The following PHF21A variants were observed in gnomAD, a reference collection of about 807,000 sequenced individuals.
The protein encoded by PHF21A is BHC80a.
A neutral mutation model predicts 82.5 loss-of-function variants in PHF21A; 11 were observed. The ratio of observed to expected loss-of-function variants is 0.13; its 90% confidence interval spans 0.08 to 0.22. The LOEUF (loss-of-function observed/expected upper bound fraction) is 0.22, where lower values mean the gene tolerates loss of function less well. Among genes scored for constraint, PHF21A ranks in the 10% least tolerant of loss-of-function variants. The pLI, the probability that PHF21A is intolerant of heterozygous loss-of-function variation, is 1.00. For missense variants in PHF21A, 579 were observed against 837.8 expected (o/e 0.69, Z 3.81); for synonymous variants, 297 against 302.8 (o/e 0.98, Z 0.20).
chr11:45,940,724 T>A (rs1168998600), intron 15 of PHF21A, among the ~76,000 whole-genome samples: 1 of 152,164 alleles, frequency 6.6e-6, no homozygotes, highest in African/African-American at 2.4e-5. Context: ...TATCCCTAAG[T>A]GGTGAGTCTG....
chr11:46,073,456 T>A (rs1474855234), intron 6 of PHF21A, among the ~76,000 whole-genome samples: 5 of 152,190 alleles, frequency 3.3e-5, no homozygotes, highest in East Asian at 1.9e-4. Flanking sequence ...GTTAAAAAAA[T>A]TTTTTAAATC....
intron 1 of PHF21A, among the ~76,000 whole-genome samples, chr11:46,101,225 C>T (rs2097091711): frequency 6.6e-6 from 1 of 152,162 alleles, no homozygotes; most frequent in African/African-American, 2.4e-5. Context: ...TCGTTCTTCA[C>T]TAAGTTAGTG....
intron 1 of PHF21A, among the ~76,000 whole-genome samples, chr11:46,106,415 T>C (rs908870751): frequency 1.3e-5 from 2 of 152,346 alleles, no homozygotes; most frequent in South Asian, 4.1e-4. Context: ...AAGATTTTTG[T>C]AGGCTTTTTA....
chr11:46,107,651 A>G (rs1382315073), intron 1 of PHF21A, among the ~76,000 whole-genome samples: 1 of 152,334 alleles, frequency 6.6e-6, no homozygotes, highest in East Asian at 1.9e-4. Flanking sequence ...AACTTTTATA[A>G]CGAAAACTTT....
At chr11:46,107,402 T>C (rs929358690) in intron 1 of PHF21A, among the ~76,000 whole-genome samples, 1 of 152,164 alleles carries the variant, frequency 6.6e-6, no homozygotes, top group Non-Finnish European at 1.5e-5. Flanking sequence ...AAATACTCTG[T>C]AGGACATGGT....
Position 46,013,122 on chromosome 11 carries a change from G to C in PHF21A, c.154-33156C>G, listed in dbSNP as rs2095443178. ...AACTTATTTAAACCCGGTTAAACTG[G>C]GTATTAGTATATACCCAGTAATGGG... On this transcript the variant is annotated intron_variant, in intron 6 of 18. Coordinates refer to ENST00000676320, the MANE Select transcript of PHF21A (RefSeq NM_001352027.3). Among the ~76,000 whole-genome samples, 3 of 151,940 alleles carry C rather than the reference G, an allele frequency of 2.0e-5. 1 individual carries two copies. In the South Asian group the frequency reaches 6.2e-4, roughly 32 times the overall value.
intron 15 of PHF21A, among the ~76,000 whole-genome samples, chr11:45,938,835 TTC>T (rs1048044699): frequency 6.6e-6 from 1 of 151,752 alleles, no homozygotes; most frequent in Non-Finnish European, 1.5e-5. Context: ...GACTAGTGTA[TTC>T]TTTTTTTTTT....
chr11:46,002,113 T>C (rs778281323), intron 6 of PHF21A, among the ~76,000 whole-genome samples: 9 of 152,226 alleles, frequency 5.9e-5, no homozygotes, highest in Non-Finnish European at 1.0e-4. Flanking sequence ...TTTACATAAG[T>C]AAATGCTTTC....
Position 46,079,127 on chromosome 11 carries a change from G to GT in PHF21A, c.87+6dup. ...AACAATTAAATGAATAACAATAGTA[G>GT]TTTTACCTGTGGATCCTGCTTCATT... On this transcript the variant is annotated splice_region_variant and intron_variant, in intron 5 of 18. Transcript: ENST00000676320. 1 of 1,549,066 alleles carries GT rather than the reference G, an allele frequency of 6.5e-7. No homozygotes were observed.
intron 6 of PHF21A, among the ~76,000 whole-genome samples, chr11:45,984,804 TCA>T (rs1480816202): frequency 1.3e-5 from 2 of 152,184 alleles, no homozygotes; most frequent in Non-Finnish European, 2.9e-5. Context: ...TTTCACACAT[TCA>T]GTCACTCCAC....
chr11:46,035,828 A>G (rs2095989316), intron 6 of PHF21A, among the ~76,000 whole-genome samples: 1 of 152,134 alleles, frequency 6.6e-6, no homozygotes, highest in African/African-American at 2.4e-5. Flanking sequence ...AGAGAGAGAA[A>G]AGAGAGGTTG....
intron 2 of PHF21A, among the ~76,000 whole-genome samples, chr11:46,090,993 A>T (rs2096917991): frequency 6.6e-6 from 1 of 152,196 alleles, no homozygotes; most frequent in Non-Finnish European, 1.5e-5. Context: ...GTCAAAGTAA[A>T]GAGCTATAGG....
At position 45,995,465 on chromosome 11, in the gene PHF21A, A is replaced by G. The variant is rs112531721; in HGVS notation, c.154-15499T>C. Among the ~76,000 whole-genome samples the G allele has an allele frequency of 7.6e-3, 1,160 of 152,336 alleles. 14 individuals carry two copies. The highest frequency in any genetic ancestry group is 0.027 in the African/African-American group (1,113 of 41,566). On this transcript the variant is annotated intron_variant, in intron 6 of 18. Coordinates refer to ENST00000676320, the MANE Select transcript of PHF21A (RefSeq NM_001352027.3). ...ATGTTTGTGTGACAGTTATACTGTC[A>G]TAATTTTAGATGGTTAAACCTCTAC...
chr11:46,116,261 A>G (rs1254411955), intron 1 of PHF21A, among the ~76,000 whole-genome samples: 2 of 152,240 alleles, frequency 1.3e-5, no homozygotes, highest in Non-Finnish European at 2.9e-5. Context: ...AAAATAGAAA[A>G]ACAAAAATGA....
intron 6 of PHF21A, among the ~76,000 whole-genome samples, chr11:46,044,394 C>A (rs957528054): frequency 6.6e-6 from 1 of 152,100 alleles, no homozygotes; most frequent in Non-Finnish European, 1.5e-5. Flanking sequence ...AAACTTACAA[C>A]AGAAATTCCC....
intron 6 of PHF21A, among the ~76,000 whole-genome samples, chr11:46,056,626 TA>T (rs996193173): frequency 1.3e-5 from 2 of 152,166 alleles, no homozygotes; most frequent in African/African-American, 4.8e-5. Context: ...ATGTCATTTT[TA>T]TTACCCATGA....
chr11:46,102,716 A>T (rs1370279714), intron 1 of PHF21A, among the ~76,000 whole-genome samples: 1 of 152,224 alleles, frequency 6.6e-6, no homozygotes, highest in African/African-American at 2.4e-5. Context: ...CTCTTAGTCC[A>T]GATATAAAGT....
At chr11:45,961,217 T>C (rs2093053264) in intron 10 of PHF21A, among the ~76,000 whole-genome samples, 2 of 152,336 alleles carry the variant, frequency 1.3e-5, no homozygotes. Flanking sequence ...CTTTTTGGTA[T>C]AATAAAAGAA....
chr11:45,990,073 AAATTACAAAATCT>A (rs1213085970), intron 6 of PHF21A, among the ~76,000 whole-genome samples: 6 of 152,148 alleles, frequency 3.9e-5, no homozygotes, highest in Admixed American at 2.0e-4. Flanking sequence ...CAGGTGATGA[AAATTACAAAATCT>A]AATTACAAAA....
Sources: allele counts gnomAD v4.1 joint callset (sites outside exome capture counted in the v4.1 genomes callset), GRCh38; gene constraint gnomAD v4.1.1; transcripts MANE v1.5; gene names NCBI Gene and HGNC (gene_info 2026-07-23, HGNC 2026-07-21).